Variants in ATP2B2 observed in about 807,000 individuals in gnomAD.
ATP2B2 encodes plasma membrane calcium-transporting ATPase 2.
Under a neutral mutation model 120.0 loss-of-function variants are expected in ATP2B2, and 15 were observed. The observed-to-expected ratio is 0.12, with a 90% CI of 0.08 to 0.19. The LOEUF is 0.19. Ranked by LOEUF, ATP2B2 falls within the 10% of genes least tolerant of loss-of-function variation. The pLI is 1.00. For missense variants in ATP2B2, 1,045 were observed against 1,719.8 expected (o/e 0.61, Z 6.94); for synonymous variants, 694 against 700.3 (o/e 0.99, Z 0.14).
chr3:10,347,917 T>C lies in ATP2B2; in HGVS notation c.2405-1780A>G, dbSNP rs1471108558. 6.6e-6 allele frequency among the ~76,000 whole-genome samples: 1 copy of C among 152,082 alleles called. No individual in the cohort carries two copies. Among genetic ancestry groups the C allele is most frequent in the Admixed American group, 6.6e-5 (1 of 15,262 alleles). The stretch of plus-strand genomic sequence containing the variant: ...TCCCCGCAGACCTCTCAGCAACTAT[T>C]TCCACCATGGACCACACCTTCCTCC... On this transcript the variant is annotated intron_variant, in intron 16 of 22. Transcript: ENST00000360273. This position sits in a 1 kb window ranked among gnomAD's most constrained non-coding sequence, Gnocchi z 5.2.
chr3:10,646,093 C>T (rs1043132562), intron 1 of ATP2B2, among the ~76,000 whole-genome samples: 3 of 152,200 alleles, frequency 2.0e-5, no homozygotes, highest in Non-Finnish European at 4.4e-5. Context: ...CCAAAGCCCA[C>T]TCCTTCTGCC....
chr3:10,465,889 C>T (rs116454687), intron 1 of ATP2B2, among the ~76,000 whole-genome samples: 1 of 152,174 alleles, frequency 6.6e-6, no homozygotes, highest in Admixed American at 6.5e-5. Flanking sequence ...CTGAGTTGGT[C>T]CCTAACCACC....
intron 2 of ATP2B2, among the ~76,000 whole-genome samples, chr3:10,558,702 T>C (rs956563571): frequency 1.2e-4 from 18 of 152,312 alleles, no homozygotes; most frequent in Non-Finnish European, 1.9e-4. Context: ...CAGTTTGAGA[T>C]GCATTTGAGA....
At chr3:10,664,778 G>A (rs2070883250) in intron 1 of ATP2B2, among the ~76,000 whole-genome samples, 1 of 152,176 alleles carries the variant, frequency 6.6e-6, no homozygotes, top group South Asian at 2.1e-4. Flanking sequence ...AATAGAGAAA[G>A]CCACCTTTGC....
At chr3:10,647,443 G>T (rs1293177776) in intron 1 of ATP2B2, among the ~76,000 whole-genome samples, 12 of 152,180 alleles carry the variant, frequency 7.9e-5, no homozygotes, top group African/African-American at 2.9e-4. Flanking sequence ...TTCAAAACTT[G>T]CCATTGAAGA....
chr3:10,646,468 C>T (rs762940751), intron 1 of ATP2B2, among the ~76,000 whole-genome samples: 3 of 152,082 alleles, frequency 2.0e-5, no homozygotes, highest in Non-Finnish European at 2.9e-5. Flanking sequence ...CTTCCTGTGA[C>T]GTTTGCGATT....
chr3:10,680,199 T>C (rs955002631), intron 1 of ATP2B2, among the ~76,000 whole-genome samples: 1 of 152,224 alleles, frequency 6.6e-6, no homozygotes, highest in African/African-American at 2.4e-5. Flanking sequence ...ACCAGTTTGC[T>C]CTATGGCCCT....
At chr3:10,358,432 C>T (rs900153710) in intron 14 of ATP2B2, among the ~76,000 whole-genome samples, 9 of 152,240 alleles carry the variant, frequency 5.9e-5, no homozygotes, top group South Asian at 2.1e-4. Context: ...GGCTGGACAG[C>T]TCGAGGACTG....
At chr3:10,697,719 G>T (rs568448731) in intron 1 of ATP2B2, among the ~76,000 whole-genome samples, 1 of 152,282 alleles carries the variant, frequency 6.6e-6, no homozygotes, top group South Asian at 2.1e-4. Flanking sequence ...ACATCTTTGA[G>T]GACAAAGCCA....
chr3:10,331,797 G>A (rs908994109), intron 22 of ATP2B2: 4 of 482,380 alleles, frequency 8.3e-6, no homozygotes, highest in South Asian at 4.3e-5. Context: ...GGTTTCAGAT[G>A]TTTTGGTTTC....
At chr3:10,647,080 G>C (rs376887862) in intron 1 of ATP2B2, among the ~76,000 whole-genome samples, 26 of 152,196 alleles carry the variant, frequency 1.7e-4, no homozygotes, top group Admixed American at 4.6e-4. Context: ...GGGAGCAATG[G>C]GGGTAGGGGG....
At chr3:10,373,448 T>C (rs1344363354) in intron 11 of ATP2B2, among the ~76,000 whole-genome samples, 1 of 152,218 alleles carries the variant, frequency 6.6e-6, no homozygotes, top group Non-Finnish European at 1.5e-5. Context: ...GGTAGTCACA[T>C]GTATTGTGAC....
intron 1 of ATP2B2, among the ~76,000 whole-genome samples, chr3:10,477,610 C>T (rs2065253972): frequency 6.6e-6 from 1 of 152,220 alleles, no homozygotes; most frequent in South Asian, 2.1e-4. Context: ...ATGAGTTTGA[C>T]TACTGTAGCG....
At chr3:10,680,746 G>A (rs906224652) in intron 1 of ATP2B2, among the ~76,000 whole-genome samples, 1 of 152,150 alleles carries the variant, frequency 6.6e-6, no homozygotes, top group Admixed American at 6.5e-5. Context: ...GCTTTCCTGG[G>A]AAAACAGAGG....
At chr3:10,444,679 C>T (rs2063779084) in intron 2 of ATP2B2, among the ~76,000 whole-genome samples, 2 of 152,210 alleles carry the variant, frequency 1.3e-5, no homozygotes, top group Non-Finnish European at 1.5e-5. Flanking sequence ...CATCGTCACC[C>T]TTTCTGACAA....
chr3:10,453,759 T>C (rs1202198912), intron 1 of ATP2B2, among the ~76,000 whole-genome samples: 2 of 152,146 alleles, frequency 1.3e-5, no homozygotes, highest in Non-Finnish European at 2.9e-5. Context: ...ATATCTGTGA[T>C]CACAACAGTA....
In ATP2B2 at chr3:10,343,019, G is replaced by A. The variant is rs530619478; in HGVS notation, c.2704-54C>T. On this transcript the variant is annotated intron_variant, in intron 18 of 22. Coordinates refer to ENST00000360273, the MANE Select transcript of ATP2B2 (RefSeq NM_001001331.4). The surrounding 1 kb of genome is among the most constrained non-coding windows in gnomAD (Gnocchi z 4.2). The stretch of plus-strand genomic sequence containing the variant: ...CTGTGCGCCCACCTGCTGCTGTGAA[G>A]TGCTGGGCGGGCTCATGGTGTAGTG... 85 of 1,580,752 alleles carry A rather than the reference G, an allele frequency of 5.4e-5. No homozygotes were observed. In the Admixed American group the frequency reaches 8.5e-4, roughly 16 times the overall value.
At chr3:10,439,049 G>A (rs957422738) in intron 2 of ATP2B2, among the ~76,000 whole-genome samples, 2 of 152,214 alleles carry the variant, frequency 1.3e-5, no homozygotes, top group Non-Finnish European at 2.9e-5. Context: ...AGGACTGCTG[G>A]GCCAAGGCCT....
chr3:10,471,448 G>C (rs999234149), intron 1 of ATP2B2, among the ~76,000 whole-genome samples: 6 of 152,090 alleles, frequency 3.9e-5, no homozygotes, highest in African/African-American at 1.4e-4. Flanking sequence ...ATGTGTGTGT[G>C]TGTGTTCTAG....
Sources: gnomAD v4.1 joint callset for allele counts (sites outside exome capture counted in the v4.1 genomes callset) on GRCh38, gnomAD v4.1.1 for gene constraint, Gnocchi (gnomAD v3.1) non-coding constraint, MANE v1.5 for transcripts, NCBI Gene and HGNC (gene_info 2026-07-23, HGNC 2026-07-21) for gene names.